BNC2: variants seen among roughly 807,000 people sequenced by gnomAD.
BNC2 encodes the protein basonuclin zinc finger protein 2.
In BNC2, 20 loss-of-function variants were observed where a neutral mutation model predicts 76.3. The observed-to-expected ratio is 0.26, with a 90% CI of 0.18 to 0.38. The LOEUF is 0.38. Ranked by LOEUF, BNC2 falls within the 10% of genes least tolerant of loss-of-function variation. The pLI is 1.00. For missense variants in BNC2, 1,382 were observed against 1,399.8 expected, an observed-to-expected ratio of 0.99 and a Z score of 0.20; for synonymous variants, 582 against 514.8, an observed-to-expected ratio of 1.13 and a Z score of -1.77.
At chr9:16,859,589 A>C (rs1819345570) in intron 1 of BNC2, among the ~76,000 whole-genome samples, 1 of 152,230 alleles carries the variant, frequency 6.6e-6, no homozygotes, top group African/African-American at 2.4e-5. Flanking sequence ...AGCTAAGTGA[A>C]ATAAGCCGGA....
chr9:16,635,781 G>C (rs1036479933), intron 3 of BNC2, among the ~76,000 whole-genome samples: 4 of 152,128 alleles, frequency 2.6e-5, no homozygotes, highest in Non-Finnish European at 5.9e-5. Context: ...TTAAGATTTG[G>C]TGCCTAGAGG....
chr9:16,636,432 A>G (rs1821328459), intron 3 of BNC2, among the ~76,000 whole-genome samples: 1 of 152,042 alleles, frequency 6.6e-6, no homozygotes, highest in South Asian at 2.1e-4. Flanking sequence ...CCTCCCAAGT[A>G]GCTGGGACTA....
chr9:16,794,574 G>C (rs1419978770), intron 1 of BNC2, among the ~76,000 whole-genome samples: 1 of 152,076 alleles, frequency 6.6e-6, no homozygotes, highest in Non-Finnish European at 1.5e-5. Flanking sequence ...TCATCATCTA[G>C]GCCTGGGTCC....
chr9:16,828,883 G>A (rs375310121), intron 1 of BNC2, among the ~76,000 whole-genome samples: 1 of 152,128 alleles, frequency 6.6e-6, no homozygotes, highest in Non-Finnish European at 1.5e-5. Flanking sequence ...CAGATGTGTC[G>A]GCTGTCAGGA....
At chr9:16,513,643 C>T (rs7033269) in intron 5 of BNC2, among the ~76,000 whole-genome samples, 37,079 of 152,036 alleles carry the variant, frequency 0.24, 8,523 homozygotes, top group African/African-American at 0.6. Flanking sequence ...TCTAGTACAA[C>T]GAAACACAGA....
At chr9:16,480,587 G>C (rs1053895047) in intron 5 of BNC2, among the ~76,000 whole-genome samples, 2 of 152,188 alleles carry the variant, frequency 1.3e-5, no homozygotes, top group Non-Finnish European at 2.9e-5. Context: ...TGGGCTTGGC[G>C]GGCCCCACAC....
intron 5 of BNC2, among the ~76,000 whole-genome samples, chr9:16,468,839 A>G (rs928247846): frequency 6.6e-6 from 1 of 152,192 alleles, no homozygotes; most frequent in Admixed American, 6.5e-5. Flanking sequence ...CCCAAATGTG[A>G]CACTGAGGTG....
At chr9:16,561,830 C>A (rs2132688701) in intron 4 of BNC2, among the ~76,000 whole-genome samples, 1 of 152,008 alleles carries the variant, frequency 6.6e-6, no homozygotes, top group South Asian at 2.1e-4. Context: ...GTGGTGAAAC[C>A]CCATCTCTAC....
At chr9:16,670,843 T>A (rs551945769) in intron 3 of BNC2, among the ~76,000 whole-genome samples, 1 of 152,244 alleles carries the variant, frequency 6.6e-6, no homozygotes, top group South Asian at 2.1e-4. Flanking sequence ...CCAAAAACAA[T>A]GTATGGGTTC....
At chr9:16,497,270 T>G (rs1822410226) in intron 5 of BNC2, among the ~76,000 whole-genome samples, 2 of 152,246 alleles carry the variant, frequency 1.3e-5, no homozygotes, top group Non-Finnish European at 2.9e-5. Flanking sequence ...GAAAACAGTA[T>G]TCAGTATCTC....
At chr9:16,723,676 G>A (rs1219996315) in intron 3 of BNC2, among the ~76,000 whole-genome samples, 1 of 151,982 alleles carries the variant, frequency 6.6e-6, no homozygotes, top group African/African-American at 2.4e-5. Flanking sequence ...TCATTTCTCT[G>A]AAAGGTGCTA....
intron 3 of BNC2, among the ~76,000 whole-genome samples, chr9:16,634,442 T>C (rs1008573897): frequency 1.8e-4 from 27 of 152,298 alleles, no homozygotes; most frequent in African/African-American, 5.8e-4. Flanking sequence ...AATATGATTA[T>C]TGTTATTAAG....
chr9:16,610,859 T>C (rs1366828233), intron 3 of BNC2, among the ~76,000 whole-genome samples: 1 of 152,202 alleles, frequency 6.6e-6, no homozygotes, highest in African/African-American at 2.4e-5. Context: ...AAGAGTTTTT[T>C]AATTTGTCAT....
At chr9:16,769,132 G>A (rs1825768840) in intron 1 of BNC2, among the ~76,000 whole-genome samples, 1 of 152,188 alleles carries the variant, frequency 6.6e-6, no homozygotes, top group African/African-American at 2.4e-5. Context: ...TGAGGCTGCA[G>A]CTTAAACTTG....
At chr9:16,632,420 T>TA (rs1186690525) in intron 3 of BNC2, among the ~76,000 whole-genome samples, 2 of 107,518 alleles carry the variant, frequency 1.9e-5, no homozygotes, top group East Asian at 4.4e-4. Flanking sequence ...TAAGAAAGAC[T>TA]AAAACGGGAA....
intron 3 of BNC2, among the ~76,000 whole-genome samples, chr9:16,716,172 A>G (rs1823990383): frequency 6.6e-6 from 1 of 152,180 alleles, no homozygotes; most frequent in African/African-American, 2.4e-5. Context: ...TCCTTTCTAG[A>G]GCTATCATGT....
chr9:16,827,975 A>T (rs897973175), intron 1 of BNC2, among the ~76,000 whole-genome samples: 1 of 152,224 alleles, frequency 6.6e-6, no homozygotes, highest in Non-Finnish European at 1.5e-5. Flanking sequence ...TTATAGAATT[A>T]CCTTATATAT....
chr9:16,795,879 T>C (rs1817633259), intron 1 of BNC2, among the ~76,000 whole-genome samples: 1 of 151,926 alleles, frequency 6.6e-6, no homozygotes, highest in Non-Finnish European at 1.5e-5. Context: ...GGATGGGAGG[T>C]AAAGGTCATG....
At chr9:16,594,161 TA>T (rs1820004974) in intron 3 of BNC2, among the ~76,000 whole-genome samples, 1 of 152,166 alleles carries the variant, frequency 6.6e-6, no homozygotes, top group South Asian at 2.1e-4. Context: ...TATTCCTCAT[TA>T]AGCAAGAAGC....
Sources: allele counts gnomAD v4.1 joint callset (sites outside exome capture counted in the v4.1 genomes callset), GRCh38; gene constraint gnomAD v4.1.1; transcripts MANE v1.5; gene names NCBI Gene and HGNC (gene_info 2026-07-23, HGNC 2026-07-21).